Variants in TOMM70 observed in about 807,000 individuals in gnomAD.
The protein encoded by TOMM70 is mitochondrial import receptor subunit TOM70.
Under a neutral mutation model 73.6 loss-of-function variants are expected in TOMM70, and 13 were observed. The ratio of observed to expected loss-of-function variants is 0.18; its 90% CI spans 0.11 to 0.28. The LOEUF (loss-of-function observed/expected upper bound fraction) is 0.28, where lower values mean the gene tolerates loss of function less well. TOMM70 is among the 10% of genes least tolerant of loss of function. The probability of loss-of-function intolerance (pLI) is 1.00; values close to 1 mark genes in which losing one functional copy is unlikely to be tolerated. For synonymous variants in TOMM70, 257 were observed against 271.2 expected (o/e 0.95, Z 0.51); for missense variants, 609 against 747.5 (o/e 0.81, Z 2.16).
At chr3:100,369,614 C>T (rs1457922096) in intron 9 of TOMM70, among the ~76,000 whole-genome samples, 1 of 151,940 alleles carries the variant, frequency 6.6e-6, no homozygotes, top group Non-Finnish European at 1.5e-5. Flanking sequence ...GATCCCCCTG[C>T]CTCAGCCTCC....
Position 100,372,597 on chromosome 3 carries a change from A to C in TOMM70, c.1452+9T>G. 4 of 1,594,290 alleles carry C rather than the reference A, an allele frequency of 2.5e-6. No homozygotes were observed. Among genetic ancestry groups the C allele is most frequent in the Non-Finnish European group, 3.4e-6 (4 of 1,171,464 alleles). On this transcript the variant is annotated intron_variant, in intron 9 of 11. Transcript: ENST00000284320. Reference sequence around the variant, plus strand: ...CAGTTATTTTTAAAAAACCTGAAAAAACATTTACCTGGGCGTATAGTGCAT... The same window carrying C: ...CAGTTATTTTTAAAAAACCTGAAAACACATTTACCTGGGCGTATAGTGCAT...
chr3:100,398,583 C>A (rs1285884602), intron 1 of TOMM70, among the ~76,000 whole-genome samples: 2 of 152,038 alleles, frequency 1.3e-5, no homozygotes, highest in Non-Finnish European at 2.9e-5. Flanking sequence ...ATAATTAATT[C>A]AAATAATCCT....
intron 1 of TOMM70, among the ~76,000 whole-genome samples, chr3:100,388,566 C>G (rs554752239): frequency 6.6e-6 from 1 of 152,178 alleles, no homozygotes; most frequent in South Asian, 2.1e-4. Context: ...TTAAAAGAGA[C>G]AAATGACAGT....
At chr3:100,387,591 CAG>C (rs1292399269) in intron 1 of TOMM70, among the ~76,000 whole-genome samples, 3,736 of 113,012 alleles carry the variant, frequency 0.033, 57 homozygotes, top group African/African-American at 0.058. Flanking sequence ...GACACAGACA[CAG>C]ACACAGACAC....
chr3:100,386,636 T>C (rs1435498322), intron 2 of TOMM70, among the ~76,000 whole-genome samples, 169 bp downstream of exon 2: 6 of 152,222 alleles, frequency 3.9e-5, no homozygotes, highest in Admixed American at 6.5e-5. Context: ...AGCAAAACTA[T>C]AGAATTTGTT....
At chr3:100,367,570 T>C (rs1266958760) in intron 11 of TOMM70, among the ~76,000 whole-genome samples, 4 of 152,174 alleles carry the variant, frequency 2.6e-5, no homozygotes, top group African/African-American at 9.7e-5. Flanking sequence ...AAATAGTACT[T>C]AGGAAACATC....
At chr3:100,399,323 G>A (rs1344679828) in intron 1 of TOMM70, among the ~76,000 whole-genome samples, 1 of 151,850 alleles carries the variant, frequency 6.6e-6, no homozygotes, top group Non-Finnish European at 1.5e-5. Flanking sequence ...ATATGGAAAT[G>A]ACTTGCATAC....
chr3:100,398,215 C>A (rs1279148146), intron 1 of TOMM70, among the ~76,000 whole-genome samples: 2 of 151,742 alleles, frequency 1.3e-5, no homozygotes, highest in Non-Finnish European at 2.9e-5. Flanking sequence ...AAAACCTTGT[C>A]TCTACTAAAA....
chr3:100,395,304 G>A (rs1451155924), intron 1 of TOMM70, among the ~76,000 whole-genome samples: 1 of 152,116 alleles, frequency 6.6e-6, no homozygotes, highest in Non-Finnish European at 1.5e-5. Context: ...GGGAGGCAGA[G>A]GTTGCAGTAA....
At chr3:100,372,978 G>A (rs1706527193) in intron 8 of TOMM70, among the ~76,000 whole-genome samples, 1 of 152,104 alleles carries the variant, frequency 6.6e-6, no homozygotes, top group Non-Finnish European at 1.5e-5. Flanking sequence ...TTTGTAAGAA[G>A]TGAACTTTGC....
rs1356523324 is a variant in TOMM70, at chr3:100,377,870, G to T, written c.927C>A (p.Asn309Lys). 1 of 1,614,054 alleles carries T rather than the reference G, an allele frequency of 6.2e-7. No homozygotes were observed. Among genetic ancestry groups the T allele is most frequent in the Non-Finnish European group, 8.5e-7 (1 of 1,180,002 alleles). The change falls in exon 6 of 12, where the codon AAC becomes AAA. Residue 309 changes from asparagine to lysine, a missense_variant. Transcript: ENST00000284320. The part of the protein sequence containing the change: ...LKAKQYMEEE[N>K]YDKIISECSK... ...AGCATTCACTTATGATTTTATCGTA[G>T]TTTTCTTCTTCCATATACTGTTTGG... is the stretch of plus-strand genomic sequence containing the variant.
At chr3:100,378,885 T>C (rs951237723) in intron 5 of TOMM70, among the ~76,000 whole-genome samples, 2 of 152,014 alleles carry the variant, frequency 1.3e-5, no homozygotes, top group African/African-American at 4.8e-5. Context: ...CGGGTGCCTA[T>C]AGTCCCAGCT....
At chr3:100,382,205 TTAAA>T (rs1345547768) in intron 4 of TOMM70, among the ~76,000 whole-genome samples, 2 of 152,246 alleles carry the variant, frequency 1.3e-5, no homozygotes, top group Non-Finnish European at 2.9e-5. Context: ...TAAATAAGTT[TTAAA>T]TAAAGTGGAA....
At chr3:100,397,156 G>A in intron 1 of TOMM70, among the ~76,000 whole-genome samples, 1 of 152,214 alleles carries the variant, frequency 6.6e-6, no homozygotes, top group East Asian at 1.9e-4. Flanking sequence ...GAAAGCAAAT[G>A]CTTCTGGTTG....
At chr3:100,387,982 T>A (rs1706713935) in intron 1 of TOMM70, among the ~76,000 whole-genome samples, 1 of 152,134 alleles carries the variant, frequency 6.6e-6, no homozygotes, top group South Asian at 2.1e-4. Context: ...ATCAGAATAT[T>A]ATATAGCTAC....
At position 100,401,051 on chromosome 3, in the gene TOMM70, A is replaced by G. The variant is rs1247960304; in HGVS notation, c.-102T>C. 1 of 1,243,948 alleles carries G rather than the reference A, an allele frequency of 8.0e-7. No individual in the cohort carries two copies. Among genetic ancestry groups the G allele is most frequent in the Non-Finnish European group, 1.1e-6 (1 of 892,824 alleles). 77.1% of individuals were successfully genotyped at this position (1,243,948 alleles called of 1,614,324 possible). ...AGGGAGGGAAGGAAAGCAATGAGCG[A>G]GCGAGCACGCTAGGCAGAGAGAGCG... On this transcript the variant is annotated 5_prime_UTR_variant, in exon 1 of 12. Transcript: ENST00000284320.
chr3:100,400,667 C>A lies in TOMM70; in HGVS notation c.283G>T (p.Gly95Cys). ...TPEGRASPAPGSGHPEGPGAH... is the reference protein window; with the variant it reads ...TPEGRASPAPCSGHPEGPGAH... ...CCGGGACCTTCAGGGTGTCCGCTGCCCGGGGCCGGACTGGCCCTGCCCTCC... is the reference window on the plus strand; with the variant it reads ...CCGGGACCTTCAGGGTGTCCGCTGCACGGGGCCGGACTGGCCCTGCCCTCC... The change falls in exon 1 of 12, where the codon GGC (glycine) becomes TGC (cysteine). Residue 95 changes from glycine (G) to cysteine (C), a missense_variant. By Grantham distance (159) the Gly-to-Cys change is radical. Coordinates refer to ENST00000284320, the MANE Select transcript of TOMM70 (RefSeq NM_014820.5). 6.2e-7 allele frequency: 1 copy of A among 1,612,534 alleles called. No homozygotes were observed. Among genetic ancestry groups the A allele is most frequent in the Non-Finnish European group, 8.5e-7 (1 of 1,179,780 alleles).
intron 6 of TOMM70, 59 bp downstream of exon 6, chr3:100,377,646 C>G (rs1706580661): frequency 1.9e-6 from 3 of 1,539,566 alleles, no homozygotes; most frequent in Non-Finnish European, 2.7e-6. Flanking sequence ...TCTGGCAAAA[C>G]ATAATGAAAG....
At chr3:100,394,406 G>T (rs141830519) in intron 1 of TOMM70, among the ~76,000 whole-genome samples, 1 of 144,412 alleles carries the variant, frequency 6.9e-6, no homozygotes, top group African/African-American at 2.7e-5. Context: ...TGTCGCCCAG[G>T]GGGGCACGAT....
Sources: gnomAD v4.1 joint callset for allele counts (sites outside exome capture counted in the v4.1 genomes callset) on GRCh38, gnomAD v4.1.1 for gene constraint, MANE v1.5 for transcripts, NCBI Gene and HGNC (gene_info 2026-07-23, HGNC 2026-07-21) for gene names.